The following PHF19 variants were observed in gnomAD, a reference collection of about 807,000 sequenced individuals.
PHF19 encodes PHD finger protein 19.
Under a neutral mutation model 79.8 loss-of-function variants are expected in PHF19, and 21 were observed. The observed-to-expected ratio is 0.26, with a 90% CI of 0.19 to 0.38. The LOEUF is 0.38. Among genes scored for constraint, PHF19 ranks in the 10% least tolerant of loss-of-function variants. The pLI is 1.00. For synonymous variants in PHF19, 273 were observed against 296.3 expected (o/e 0.92, Z 0.81); for missense variants, 445 against 744.2 (o/e 0.60, Z 4.68).
chr9:120,856,586 T>TC lies in PHF19; in HGVS notation c.*1357dup, dbSNP rs1327358771. On this transcript the variant is annotated 3_prime_UTR_variant, in exon 15 of 15. Transcript: ENST00000373896. Reference sequence around the variant, plus strand: ...AGCAGCAAAACATCAGGGGTCCTCTTCCCCCTCCCAATTTTGGTTTCCCTC... The same window carrying TC: ...AGCAGCAAAACATCAGGGGTCCTCTTCCCCCCTCCCAATTTTGGTTTCCCTC... 6.6e-6 allele frequency: 1 copy of TC among 152,216 alleles called. No homozygotes were observed. Among genetic ancestry groups the TC allele is most frequent in the Admixed American group, 6.6e-5 (1 of 15,262 alleles). 9.4% of individuals were successfully genotyped at this position (152,216 alleles called of 1,614,324 possible).
In PHF19 at chr9:120,869,823, C is replaced by A. The variant is rs745623080; in HGVS notation, c.465+22G>T. On this transcript the variant is annotated intron_variant, in intron 5 of 14. Coordinates refer to ENST00000373896, the MANE Select transcript of PHF19 (RefSeq NM_015651.3). The surrounding 1 kb of genome is among the most constrained non-coding windows in gnomAD (Gnocchi z 5.8). ...CTGGAGGAGGCAGGAGAGGCAGGGA[C>A]TGGGGAGGATGGAAGGCTCACCCGC... 7 of 1,612,900 alleles carry A rather than the reference C, an allele frequency of 4.3e-6. No individual in the cohort carries two copies. The highest frequency in any genetic ancestry group is 5.9e-6 in the Non-Finnish European group (7 of 1,179,630).
chr9:120,877,254 G>T, upstream of PHF19: 1 of 911,376 alleles, frequency 1.1e-6, no homozygotes, highest in Non-Finnish European at 1.3e-6. Context: ...GCCGCGGGGA[G>T]GAGGGGGAGG....
At position 120,869,233 on chromosome 9, in the gene PHF19, G is replaced by A. The variant is rs1287749636; in HGVS notation, c.563C>T (p.Pro188Leu). The part of the protein sequence containing the change: ...YQPEELEWDS[P>L]HRTNQQQCYC... ...GCATTGCTGCTGGTTGGTGCGATGG[G>A]GCGAGTCCCACTCGAGCTCCTCGGG... The change falls in exon 6 of 15, where the codon CCC becomes CTC. Residue 188 changes from proline to leucine, a missense_variant. By Grantham distance (98) the Pro-to-Leu change is moderately conservative (BLOSUM62 -3). This residue lies in a region of PHF19 where 167 missense variants were observed against 375.8 expected (regional missense o/e 0.44). Coordinates refer to ENST00000373896, the MANE Select transcript of PHF19 (RefSeq NM_015651.3). This position sits in a 1 kb window ranked among gnomAD's most constrained non-coding sequence, Gnocchi z 5.8. 1.2e-6 allele frequency: 2 copies of A among 1,612,186 alleles called. No homozygotes were observed. Among genetic ancestry groups the A allele is most frequent in the Non-Finnish European group, 8.5e-7 (1 of 1,179,488 alleles).
chr9:120,860,422 A>G lies in PHF19; in HGVS notation c.1305-237T>C, dbSNP rs995072160. On this transcript the variant is annotated intron_variant, in intron 13 of 14. Transcript: ENST00000373896. The surrounding 1 kb of genome is among the most constrained non-coding windows in gnomAD (Gnocchi z 4.1). ...GGCGGTGACGTAAGCACTGGTGTCAATAACTCGAGCGTGATCCAAGGCACC... is the reference window on the plus strand; with the variant it reads ...GGCGGTGACGTAAGCACTGGTGTCAGTAACTCGAGCGTGATCCAAGGCACC... 2.0e-6 allele frequency: 1 copy of G among 504,310 alleles called. No individual in the cohort carries two copies. Among genetic ancestry groups the G allele is most frequent in the Non-Finnish European group, 3.6e-6 (1 of 275,160 alleles). The allele number at this position is 504,310 out of a possible 1,614,324, so 31.2% of individuals were successfully genotyped here.
Position 120,869,189 on chromosome 9 carries a change from G to T in PHF19, c.607C>A (p.Pro203Thr). ...CCTGACCCCCTGCCTTACTCTCCGG[G>T]CCCGCCGCAGTAGCAGTAGCATTGC... Reference protein sequence around the residue: ...QQQCYCYCGGPGEWYLRMLQC... With the variant: ...QQQCYCYCGGTGEWYLRMLQC... The change falls in exon 6 of 15, where the codon CCC (proline) becomes ACC (threonine). Residue 203 changes from proline (P) to threonine (T), a missense_variant. Pro to Thr is a conservative substitution (Grantham distance 38). Around this residue, in one of 5 missense-constraint regions of PHF19, gnomAD observed 167 missense variants for 375.8 expected, o/e 0.44. Coordinates refer to ENST00000373896, the MANE Select transcript of PHF19 (RefSeq NM_015651.3). The surrounding 1 kb of genome is among the most constrained non-coding windows in gnomAD (Gnocchi z 5.8). The T allele has an allele frequency of 1.2e-6, 2 of 1,608,558 alleles. No individual in the cohort carries two copies. The highest frequency in any genetic ancestry group is 8.5e-7 in the Non-Finnish European group (1 of 1,178,118).
At chr9:120,865,347 G>A (rs1262392289) in intron 9 of PHF19, among the ~76,000 whole-genome samples, 1 of 152,228 alleles carries the variant, frequency 6.6e-6, no homozygotes, top group Non-Finnish European at 1.5e-5. Context: ...CCGTGGATCT[G>A]AGGCTTCCAA....
At position 120,860,659 on chromosome 9, in the gene PHF19, G is replaced by C; in HGVS notation, c.1304+430C>G. 4.4e-6 allele frequency: 1 copy of C among 224,866 alleles called. No individual in the cohort carries two copies. The highest frequency in any genetic ancestry group is 7.0e-5 in the South Asian group (1 of 14,204). The allele number at this position is 224,866 out of a possible 1,614,324, so 13.9% of individuals were successfully genotyped here. A position where few individuals can be genotyped will look rare whatever the true frequency, so the allele number is the denominator to read the frequency against. ...CCTTTAATAATTTGGAAAATAAAAT[G>C]ATGGAAGATGCAGTTCCTCCCTTGG... On this transcript the variant is annotated intron_variant, in intron 13 of 14. Transcript: ENST00000373896. The surrounding 1 kb of genome is among the most constrained non-coding windows in gnomAD (Gnocchi z 4.1).
intron 1 of PHF19, among the ~76,000 whole-genome samples, chr9:120,876,811 G>A (rs958501600): frequency 9.9e-5 from 15 of 152,178 alleles, no homozygotes; most frequent in African/African-American, 3.4e-4. Flanking sequence ...CCAAACGCCC[G>A]TCTGTCCTTC....
chr9:120,886,154 G>T (rs1178017554), intron 1 of PHF19, among the ~76,000 whole-genome samples: 1 of 152,220 alleles, frequency 6.6e-6, no homozygotes, highest in Non-Finnish European at 1.5e-5. Flanking sequence ...AAACATCTGG[G>T]CTGGAGCTGC....
chr9:120,899,583 A>C (rs1052639263), upstream of PHF19, among the ~76,000 whole-genome samples: 1 of 152,118 alleles, frequency 6.6e-6, no homozygotes, highest in Non-Finnish European at 1.5e-5. Flanking sequence ...TGCAATTGGC[A>C]TCCTTACGAC....
the PHF19 span, among the ~76,000 whole-genome samples, chr9:120,900,512 C>T: frequency 6.6e-6 from 1 of 152,186 alleles, no homozygotes; most frequent in African/African-American, 2.4e-5. Context: ...GGACACTGGG[C>T]TCATGGGTGA....
At chr9:120,884,185 A>G (rs1182712515) in intron 1 of PHF19, among the ~76,000 whole-genome samples, 1 of 152,130 alleles carries the variant, frequency 6.6e-6, no homozygotes, top group East Asian at 1.9e-4. Flanking sequence ...ATTCAATTAG[A>G]GATTTTGATT....
At chr9:120,890,131 A>G (rs2046321882) in intron 1 of PHF19, among the ~76,000 whole-genome samples, 4 of 152,248 alleles carry the variant, frequency 2.6e-5, no homozygotes, top group Admixed American at 2.6e-4. Context: ...TAAATGTCCC[A>G]TAAGTGTTTG....
chr9:120,864,105 G>A lies in PHF19; in HGVS notation c.912C>T (p.Thr304=), dbSNP rs1281961686. 9 of 1,613,732 alleles carry A rather than the reference G, an allele frequency of 5.6e-6. No homozygotes were observed. The highest frequency in any genetic ancestry group is 7.6e-6 in the Non-Finnish European group (9 of 1,179,890). ...ELLQLGKLTS[T]PVTDRGPHLL... ...GATGTGGTCCTCGATCTGTCACTGGGGTGCTGGTGAGCTGTGGGAGAGCAG... is the reference window on the plus strand; with the variant it reads ...GATGTGGTCCTCGATCTGTCACTGGAGTGCTGGTGAGCTGTGGGAGAGCAG... The change falls in exon 10 of 15, where the codon ACC becomes ACT. Residue 304 remains threonine (T), a synonymous_variant. Transcript: ENST00000373896.
intron 12 of PHF19, among the ~76,000 whole-genome samples, chr9:120,861,445 T>C (rs1250927298): frequency 6.6e-6 from 1 of 152,238 alleles, no homozygotes; most frequent in Non-Finnish European, 1.5e-5. Flanking sequence ...CTTGCTTCAC[T>C]CTTACAGATG....
chr9:120,880,405 G>T (rs1408861885), upstream of PHF19, among the ~76,000 whole-genome samples: 1 of 152,076 alleles, frequency 6.6e-6, no homozygotes. Context: ...TGAGACAGGA[G>T]AATTGTTTGA....
In PHF19 at chr9:120,860,318, C is replaced by G; in HGVS notation, c.1305-133G>C. 1 of 635,672 alleles carries G rather than the reference C, an allele frequency of 1.6e-6. No homozygotes were observed. Among genetic ancestry groups the G allele is most frequent in the South Asian group, 1.7e-5 (1 of 58,062 alleles). The allele number at this position is 635,672 out of a possible 1,614,324, so 39.4% of individuals were successfully genotyped here. A position where few individuals can be genotyped will look rare whatever the true frequency, so the allele number is the denominator to read the frequency against. ...GTCTTCCCACAGCTGAGCTTCCCACCACCACACCTGTCTGTTTCCTACCCA... is the reference window on the plus strand; with the variant it reads ...GTCTTCCCACAGCTGAGCTTCCCACGACCACACCTGTCTGTTTCCTACCCA... On this transcript the variant is annotated intron_variant, in intron 13 of 14. Coordinates refer to ENST00000373896, the MANE Select transcript of PHF19 (RefSeq NM_015651.3). The surrounding 1 kb of genome is among the most constrained non-coding windows in gnomAD (Gnocchi z 4.1).
intron 1 of PHF19, among the ~76,000 whole-genome samples, chr9:120,888,357 G>C (rs2046297279): frequency 1.3e-5 from 2 of 152,218 alleles, no homozygotes; most frequent in Non-Finnish European, 2.9e-5. Context: ...AACAAGCTTG[G>C]TGGCAGCTCG....
chr9:120,876,740 G>A (rs1209414983), intron 1 of PHF19, among the ~76,000 whole-genome samples: 1 of 152,186 alleles, frequency 6.6e-6, no homozygotes, highest in Non-Finnish European at 1.5e-5. Flanking sequence ...TCAGTCGCTC[G>A]GACGCCAAGC....
Sources: allele counts gnomAD v4.1 joint callset (sites outside exome capture counted in the v4.1 genomes callset), GRCh38; gene constraint gnomAD v4.1.1; regional missense constraint gnomAD v4.1.1; non-coding constraint Gnocchi (gnomAD v3.1); transcripts MANE v1.5; gene names NCBI Gene and HGNC (gene_info 2026-07-23, HGNC 2026-07-21).